The following DOCK11 variants were observed in gnomAD, a reference collection of about 807,000 sequenced individuals.
The protein encoded by DOCK11 is dedicator of cytokinesis protein 11.
Under a neutral mutation model 169.1 loss-of-function variants are expected in DOCK11, and 70 were observed. The observed-to-expected ratio is 0.41, with a 90% CI of 0.34 to 0.51. The LOEUF (loss-of-function observed/expected upper bound fraction) is 0.51, where lower values mean the gene tolerates loss of function less well. Among genes scored for constraint, DOCK11 ranks in the 20% least tolerant of loss-of-function variants. The pLI, the probability that DOCK11 is intolerant of heterozygous loss-of-function variation, is 0.10. For missense variants in DOCK11, 1,166 were observed against 1,538.8 expected, an observed-to-expected ratio of 0.76 and a Z score of 4.05; for synonymous variants, 529 against 541.3, an observed-to-expected ratio of 0.98 and a Z score of 0.32.
At chrX:118,581,866 T>C (rs1364750454) in intron 14 of DOCK11, among the ~76,000 whole-genome samples, 3 of 87,524 alleles carry the variant, frequency 3.4e-5, no homozygotes, top group Non-Finnish European at 6.4e-5. Context: ...CCACAGTGGC[T>C]CACGCCTGTA....
chrX:118,561,251 T>A, intron 6 of DOCK11, 132 bp from the exon 7 acceptor site: 1 of 523,260 alleles, frequency 1.9e-6, no homozygotes. Flanking sequence ...ATTCCTAACA[T>A]CTTGTCAGGG....
chrX:118,638,529 A>G (rs1364741827), intron 37 of DOCK11, among the ~76,000 whole-genome samples: 3 of 112,406 alleles, frequency 2.7e-5, no homozygotes, highest in Non-Finnish European at 5.6e-5. Context: ...ATGATACATT[A>G]TCTATTTCCT....
intron 35 of DOCK11, among the ~76,000 whole-genome samples, chrX:118,630,828 C>T (rs1347712704): frequency 8.0e-5 from 9 of 112,038 alleles, no homozygotes; most frequent in African/African-American, 2.9e-4. Flanking sequence ...ATAATAACCA[C>T]CAGAATTCAT....
At chrX:118,616,079 C>A (rs1018453876) in intron 30 of DOCK11, 6 of 357,439 alleles carry the variant, frequency 1.7e-5, no homozygotes, top group Non-Finnish European at 2.5e-5. Context: ...CATGTTTGTG[C>A]TAAATTTATG....
chrX:118,674,992 G>A (rs745532405), intron 46 of DOCK11, among the ~76,000 whole-genome samples: 188 of 111,624 alleles, frequency 1.7e-3, no homozygotes, highest in Non-Finnish European at 1.7e-3. Context: ...GTCTATTCAG[G>A]TCATTTGCCC....
chrX:118,594,553 A>G (rs2014099486), intron 20 of DOCK11, among the ~76,000 whole-genome samples: 1 of 112,217 alleles, frequency 8.9e-6, no homozygotes, highest in African/African-American at 3.2e-5. Context: ...AATTTCAGAT[A>G]AGGGATACTC....
intron 20 of DOCK11, 94 bp from the exon 21 acceptor site, chrX:118,597,337 A>G: frequency 8.8e-7 from 1 of 1,130,695 alleles, no homozygotes; most frequent in Non-Finnish European, 1.2e-6. Context: ...CCCTGGAGAC[A>G]TCACCACCCT....
At position 118,597,560 on chromosome X, in the gene DOCK11, A is replaced by G. The variant is rs371552614; in HGVS notation, c.2385+8A>G. 29 of 1,210,491 alleles carry G rather than the reference A, an allele frequency of 2.4e-5. No homozygotes were observed. Among genetic ancestry groups the G allele is most frequent in the Non-Finnish European group, 3.1e-5 (28 of 894,628 alleles). On this transcript the variant is annotated splice_region_variant and intron_variant, in intron 21 of 52. Transcript: ENST00000276202. Reference sequence around the variant, plus strand: ...GATGCAGAATCAAGAAGGGTAGGAAAATACTGCATTTGTTGAAGTAATCAT... The same window carrying G: ...GATGCAGAATCAAGAAGGGTAGGAAGATACTGCATTTGTTGAAGTAATCAT...
chrX:118,670,412 C>T (rs1018995955), intron 45 of DOCK11, among the ~76,000 whole-genome samples: 2 of 111,614 alleles, frequency 1.8e-5, no homozygotes, highest in Admixed American at 9.5e-5. Flanking sequence ...ATTCTGGCAG[C>T]GCTGGTGATC....
chrX:118,559,416 T>TC (rs1354275300), intron 6 of DOCK11, among the ~76,000 whole-genome samples: 3 of 112,373 alleles, frequency 2.7e-5, no homozygotes, highest in Non-Finnish European at 5.6e-5. Context: ...ATTATTTTTT[T>TC]CATGTTACTT....
intron 1 of DOCK11, among the ~76,000 whole-genome samples, chrX:118,513,598 C>T (rs1011055161): frequency 9.0e-6 from 1 of 111,676 alleles, no homozygotes; most frequent in Non-Finnish European, 1.9e-5. Context: ...GGTGACAGAG[C>T]GAGACCTTGT....
chrX:118,555,515 C>T (rs1324894499), intron 6 of DOCK11, among the ~76,000 whole-genome samples: 1 of 109,577 alleles, frequency 9.1e-6, no homozygotes, highest in Non-Finnish European at 1.9e-5. Flanking sequence ...TGAGATCGTG[C>T]CACTGCACTC....
In DOCK11 at chrX:118,680,701, A is replaced by T; in HGVS notation, c.5671+9A>T. On this transcript the variant is annotated intron_variant, in intron 49 of 52. Transcript: ENST00000276202. ...CCGTACAATCTTGACAAGTAAGTAC[A>T]ATTTTACATATTAACTTCTTATTTG... The T allele has an allele frequency of 8.8e-7, 1 of 1,139,484 alleles. No homozygotes were observed. Among genetic ancestry groups the T allele is most frequent in the Non-Finnish European group, 1.2e-6 (1 of 847,460 alleles). The allele number at this position is 1,139,484 out of a possible 1,213,427, so 93.9% of individuals were successfully genotyped here.
intron 31 of DOCK11, among the ~76,000 whole-genome samples, chrX:118,620,788 G>A (rs2014952000): frequency 8.9e-6 from 1 of 112,262 alleles, no homozygotes; most frequent in African/African-American, 3.2e-5. Context: ...TGTAAGTGGG[G>A]AAAAGGATCT....
In DOCK11 at chrX:118,669,343, C is replaced by G. The variant is rs184276874; in HGVS notation, c.5077-1680C>G. ...TGTAATAGTTGCGTAGATATCTGAGCCTATTTGGGCTTCTATAACAAAATA... is the reference window on the plus strand; with the variant it reads ...TGTAATAGTTGCGTAGATATCTGAGGCTATTTGGGCTTCTATAACAAAATA... On this transcript the variant is annotated intron_variant, in intron 45 of 52. Coordinates refer to ENST00000276202, the MANE Select transcript of DOCK11 (RefSeq NM_144658.4). Among the ~76,000 whole-genome samples, 4 of 111,424 alleles carry G rather than the reference C, an allele frequency of 3.6e-5. No individual in the cohort carries two copies. In the East Asian group the frequency reaches 1.1e-3, roughly 31 times the overall value.
In DOCK11 at chrX:118,566,640, C is replaced by T. The variant is rs1243801731; in HGVS notation, c.938C>T (p.Pro313Leu). Residue 313 changes from proline to leucine, a missense_variant, in exon 9 of 53, where the codon CCG becomes CTG. Transcript: ENST00000276202. ...IMASLERSMH[P>L]ELMKYGRETE... ...GCAAGTTTGGAAAGGAGCATGCATC[C>T]GGAACTGATGAAGGTACATCTTTCA... 1.7e-6 allele frequency: 2 copies of T among 1,207,369 alleles called. No individual in the cohort carries two copies. The highest frequency in any genetic ancestry group is 1.1e-6 in the Non-Finnish European group (1 of 893,482).
intron 20 of DOCK11, among the ~76,000 whole-genome samples, chrX:118,594,195 A>G (rs996384413): frequency 1.8e-5 from 2 of 112,014 alleles, no homozygotes; most frequent in Non-Finnish European, 3.8e-5. Flanking sequence ...ACGTAAACCA[A>G]TGGGTAGCAC....
chrX:118,587,635 T>C (rs1190449822), intron 16 of DOCK11, among the ~76,000 whole-genome samples: 3 of 111,490 alleles, frequency 2.7e-5, no homozygotes, highest in Non-Finnish European at 5.6e-5. Context: ...ATTGAGTTTA[T>C]CATTGGTAAC....
intron 32 of DOCK11, 48 bp from the exon 33 acceptor site, chrX:118,627,456 C>G: frequency 1.1e-6 from 1 of 905,666 alleles, no homozygotes. Flanking sequence ...ATTTCTTATC[C>G]TATATACGAA....
Sources: gnomAD v4.1 joint callset for allele counts (sites outside exome capture counted in the v4.1 genomes callset) on GRCh38, gnomAD v4.1.1 for gene constraint, MANE v1.5 for transcripts, NCBI Gene and HGNC (gene_info 2026-07-23, HGNC 2026-07-21) for gene names.